The following RBP4 variants were observed in gnomAD, a reference collection of about 807,000 sequenced individuals.
RBP4 encodes retinol binding protein 4, also known as retinol-binding protein 4.
Under a neutral mutation model 26.2 loss-of-function variants are expected in RBP4, and 9 were observed. The observed-to-expected ratio is 0.34, with a 90% CI of 0.21 to 0.60. The LOEUF is 0.60. RBP4 is among the 20% of genes least tolerant of loss of function. The pLI, the probability that RBP4 is intolerant of heterozygous loss-of-function variation, is 0.80. For missense variants in RBP4, 244 were observed against 271.3 expected (o/e 0.90, Z 0.71); for synonymous variants, 114 against 111.0 (o/e 1.03, Z -0.17).
chr10:93,596,919 A>C (rs2134571152), intron 4 of RBP4, among the ~76,000 whole-genome samples: 1 of 152,342 alleles, frequency 6.6e-6, no homozygotes, highest in Non-Finnish European at 1.5e-5. Context: ...GCCAGGCAAC[A>C]GATTCAATGC....
Position 93,600,923 on chromosome 10 carries a change from C to T in RBP4, c.106G>A (p.Ala36Thr). Residue 36 changes from alanine to threonine, a missense_variant, in exon 2 of 6, where the codon GCT becomes ACT. Ala to Thr is a moderately conservative substitution (Grantham distance 58). Transcript: ENST00000371464. ...CCCCCTGGGCCGATACCTACGCGAG[C>T]CTTGTCGAAGTTCTCCTTGACTCGG... ...SFRVKENFDK[A>T]RFSGTWYAMA... The T allele has an allele frequency of 6.2e-7, 1 of 1,612,460 alleles. No individual in the cohort carries two copies. Among genetic ancestry groups the T allele is most frequent in the Non-Finnish European group, 8.5e-7 (1 of 1,179,762 alleles).
At position 93,600,732 on chromosome 10, in the gene RBP4, C is replaced by A. The variant is rs781752205; in HGVS notation, c.183G>T (p.Ala61=). The change falls in exon 3 of 6, where the codon GCG becomes GCT. Residue 61 remains alanine (A), a synonymous_variant. Transcript: ENST00000371464. ...GGCCGGTCTCGTCCACGGAGAACTCCGCGACGATGTTGTCCTGCAGAAAGA... is the reference window on the plus strand; with the variant it reads ...GGCCGGTCTCGTCCACGGAGAACTCAGCGACGATGTTGTCCTGCAGAAAGA... ...EGLFLQDNIV[A]EFSVDETGQM... is the part of the protein sequence containing the mutation. The A allele has an allele frequency of 6.2e-7, 1 of 1,611,022 alleles. No homozygotes were observed. Among genetic ancestry groups the A allele is most frequent in the South Asian group, 1.1e-5 (1 of 90,334 alleles).
chr10:93,600,806 G>A lies in RBP4; in HGVS notation c.112-3C>T, dbSNP rs2058332149. On this transcript the variant is annotated splice_region_variant and splice_polypyrimidine_tract_variant and intron_variant, in intron 2 of 5. Coordinates refer to ENST00000371464, the MANE Select transcript of RBP4 (RefSeq NM_006744.4). ...ATGGCGTACCAGGTCCCAGAGAACT[G>A]TGAGAAGGATGACAGCAGGGGTTTG... 2 of 1,605,270 alleles carry A rather than the reference G, an allele frequency of 1.2e-6. No individual in the cohort carries two copies. Among genetic ancestry groups the A allele is most frequent in the Admixed American group, 3.4e-5 (2 of 59,406 alleles).
At position 93,593,964 on chromosome 10, in the gene RBP4, G is replaced by A. The variant is rs758640008; in HGVS notation, c.427C>T (p.Leu143Phe). 1.9e-6 allele frequency: 3 copies of A among 1,613,962 alleles called. No homozygotes were observed. In the East Asian group the frequency reaches 6.7e-5, roughly 36 times the overall value. Residue 143 changes from leucine (L) to phenylalanine (F), a missense_variant, in exon 5 of 6, where the codon CTC (leucine) becomes TTC (phenylalanine). Transcript: ENST00000371464. ...TAGCTGTCAGCACAGGTGCCATCGAGGTTCAGGAGGCGGCAGGAGTACTGC... is the reference window on the plus strand; with the variant it reads ...TAGCTGTCAGCACAGGTGCCATCGAAGTTCAGGAGGCGGCAGGAGTACTGC... ...AVQYSCRLLNLDGTCADSYSF... is the reference protein window; with the variant it reads ...AVQYSCRLLNFDGTCADSYSF...
intron 5 of RBP4, among the ~76,000 whole-genome samples, chr10:93,593,235 G>C (rs2058278523): frequency 6.6e-6 from 1 of 152,142 alleles, no homozygotes; most frequent in South Asian, 2.1e-4. Flanking sequence ...CAATGTTCCT[G>C]GCTTTAAAAT....
At chr10:93,601,330 C>G, upstream of RBP4, 1 of 1,227,178 alleles carries the variant, frequency 8.1e-7, no homozygotes, top group Non-Finnish European at 1.0e-6. Flanking sequence ...GGGGAGGCGC[C>G]GGGGGCACTT....
rs372010388 is a variant in RBP4 at position 93,593,910 on chromosome 10, C to T, written c.481G>A (p.Gly161Ser). 5.6e-6 allele frequency: 9 copies of T among 1,613,962 alleles called. No homozygotes were observed. The highest frequency in any genetic ancestry group is 3.3e-5 in the South Asian group (3 of 91,066). Residue 161 changes from glycine to serine, a missense_variant, in exon 5 of 6, where the codon GGC (glycine) becomes AGC (serine). By Grantham distance (56) the Gly-to-Ser change is moderately conservative. Transcript: ENST00000371464. ...YSFVFSRDPN[G>S]LPPEAQKIVR... ...ATCTTCTGCGCTTCTGGGGGCAGGC[C>T]GTTGGGGTCCCGGGAAAACACGAAG...
chr10:93,596,334 T>G (rs2058302754), intron 4 of RBP4, among the ~76,000 whole-genome samples: 1 of 152,322 alleles, frequency 6.6e-6, no homozygotes, highest in South Asian at 2.1e-4. Context: ...CTAAGTTGGT[T>G]TGGTTAATCT....
At chr10:93,595,535 C>T (rs1427374484) in intron 4 of RBP4, among the ~76,000 whole-genome samples, 1 of 152,238 alleles carries the variant, frequency 6.6e-6, no homozygotes, top group Non-Finnish European at 1.5e-5. Context: ...AATCAGTACA[C>T]TGACGGGAGA....
At chr10:93,600,222 T>C (rs2058327761) in intron 4 of RBP4, among the ~76,000 whole-genome samples, 171 bp downstream of exon 4, 1 of 152,168 alleles carries the variant, frequency 6.6e-6, no homozygotes, top group Non-Finnish European at 1.5e-5. Context: ...GGTAGGTAGC[T>C]GCTCCCAATC....
Position 93,600,435 on chromosome 10 carries a change from T to A in RBP4, c.313A>T (p.Lys105Ter). 1 of 1,614,138 alleles carries A rather than the reference T, an allele frequency of 6.2e-7. No individual in the cohort carries two copies. The highest frequency in any genetic ancestry group is 2.2e-5 in the East Asian group (1 of 44,862). The change falls in exon 4 of 6, where the codon AAG (lysine) becomes TAG (stop). Residue 105 changes from lysine (K) to a stop codon, truncating the protein, a stop_gained. Transcript: ENST00000371464. LOFTEE classifies it high-confidence loss of function. ...FTDTEDPAKF[K>*]MKYWGVASFL... ...GAGGCTACGCCCCAGTACTTCATCT[T>A]GAACTTGGCAGGGTCCTCGGTGTCT...
At position 93,592,054 on chromosome 10, in the gene RBP4, G is replaced by A. The variant is rs1226651585; in HGVS notation, c.*21C>T. Reference sequence around the variant, plus strand: ...GAGAGCTAATCAGAAGTTCTCAGATGAAACTAGATTCTTGATATTGCTACA... The same window carrying A: ...GAGAGCTAATCAGAAGTTCTCAGATAAAACTAGATTCTTGATATTGCTACA... On this transcript the variant is annotated 3_prime_UTR_variant, in exon 6 of 6. Coordinates refer to ENST00000371464, the MANE Select transcript of RBP4 (RefSeq NM_006744.4). 1.2e-5 allele frequency: 19 copies of A among 1,605,114 alleles called. No individual in the cohort carries two copies. The highest frequency in any genetic ancestry group is 1.5e-5 in the Non-Finnish European group (18 of 1,171,952).
intron 4 of RBP4, among the ~76,000 whole-genome samples, chr10:93,596,986 T>C (rs567298588): frequency 6.6e-6 from 1 of 152,336 alleles, no homozygotes; most frequent in East Asian, 1.9e-4. Context: ...GAGTGGAGTC[T>C]GAGGCCTTGA....
rs755814837 is a variant in RBP4 at position 93,600,955 on chromosome 10, C to T, written c.74G>A (p.Ser25Asn). The change falls in exon 2 of 6, where the codon AGC (serine) becomes AAC (asparagine). Residue 25 changes from serine (S) to asparagine (N), a missense_variant. Ser to Asn is a conservative substitution (Grantham distance 46, BLOSUM62 1). Coordinates refer to ENST00000371464, the MANE Select transcript of RBP4 (RefSeq NM_006744.4). ...SGRAERDCRV[S>N]SFRVKENFDK... ...GAAGTTCTCCTTGACTCGGAAGCTG[C>T]TCACTCGGCAGTCGCGCTCCGCGCG... 1.2e-6 allele frequency: 2 copies of T among 1,612,500 alleles called. No homozygotes were observed. Among genetic ancestry groups the T allele is most frequent in the South Asian group, 2.2e-5 (2 of 91,078 alleles).
At position 93,594,097 on chromosome 10, in the gene RBP4, G is replaced by T. The variant is rs1026269714; in HGVS notation, c.356-62C>A. ...TTCCCTCATGGGCTCAGATGTCGGA[G>T]AAACTCACGACCAGGCCTGAGAACA... On this transcript the variant is annotated intron_variant, in intron 4 of 5. Coordinates refer to ENST00000371464, the MANE Select transcript of RBP4 (RefSeq NM_006744.4). 8.0e-6 allele frequency: 12 copies of T among 1,506,594 alleles called. No homozygotes were observed. The African/African-American group carries it at 1.4e-4, about 17-fold the overall frequency. 93.3% of individuals were successfully genotyped at this position (1,506,594 alleles called of 1,614,324 possible).
intron 4 of RBP4, among the ~76,000 whole-genome samples, chr10:93,599,702 C>T (rs958881638): frequency 4.6e-5 from 7 of 152,124 alleles, no homozygotes; most frequent in Non-Finnish European, 8.8e-5. Context: ...TCTCTAGCTA[C>T]CAAGTAGATT....
rs78323310 is a variant in RBP4, at chr10:93,594,388, C to T, written c.356-353G>A. Among the ~76,000 whole-genome samples, 594 of 152,230 alleles carry T rather than the reference C, an allele frequency of 3.9e-3. 2 individuals carry two copies. The highest frequency in any genetic ancestry group is 0.014 in the African/African-American group (576 of 41,522). ...ATAAACCGTTCTACTGTCGCTTCAC[C>T]ATCTACTCTCCAATAATATCTGTGT... On this transcript the variant is annotated intron_variant, in intron 4 of 5. Transcript: ENST00000371464.
chr10:93,600,669 C>T lies in RBP4; in HGVS notation c.246G>A (p.Leu82=). Residue 82 remains leucine, a splice_region_variant and synonymous_variant, in exon 3 of 6, where the codon TTG becomes TTA. Coordinates refer to ENST00000371464, the MANE Select transcript of RBP4 (RefSeq NM_006744.4). ...CAGCTGCCCCGGCGGCCACTGACTT[C>T]AAAAGACGGACTCGGCCCTTGGCTG... ...SATAKGRVRL[L]NNWDVCADMV... is the part of the protein sequence containing the mutation. 1 of 1,612,006 alleles carries T rather than the reference C, an allele frequency of 6.2e-7. No individual in the cohort carries two copies. The highest frequency in any genetic ancestry group is 1.1e-5 in the South Asian group (1 of 90,610).
At chr10:93,601,559 G>A, upstream of RBP4, 1 of 668,020 alleles carries the variant, frequency 1.5e-6, no homozygotes, top group Non-Finnish European at 2.7e-6. Context: ...TCTGGCAGGA[G>A]GCTCGAGTCA....
Sources: gnomAD v4.1 joint callset for allele counts (sites outside exome capture counted in the v4.1 genomes callset) on GRCh38, gnomAD v4.1.1 for gene constraint, MANE v1.5 for transcripts, NCBI Gene and HGNC (gene_info 2026-07-23, HGNC 2026-07-21) for gene names.